Variants in LLGL2 observed in about 807,000 individuals in gnomAD.
The protein encoded by LLGL2 is LLGL scribble cell polarity complex component 2, also known as LLGL2, scribble cell polarity complex component.
A neutral mutation model predicts 123.2 loss-of-function variants in LLGL2; 81 were observed. That is an observed-to-expected ratio of 0.66 (90% CI 0.55 to 0.79). The LOEUF is 0.79. Among genes scored for constraint, LLGL2 ranks in the 30% least tolerant of loss-of-function variants. The probability of loss-of-function intolerance (pLI) is 0.00; values close to 1 mark genes in which losing one functional copy is unlikely to be tolerated. For missense variants in LLGL2, 1,273 were observed against 1,414.6 expected (o/e 0.90, Z 1.61); for synonymous variants, 577 against 594.1 (o/e 0.97, Z 0.42).
Position 75,558,839 on chromosome 17 carries a change from GCACCCCACC to G in LLGL2, c.371+213_371+221del, listed in dbSNP as rs2147380122. 5.6e-5 allele frequency: 19 copies of G among 340,982 alleles called. 2 individuals are homozygous for G. In the South Asian group the frequency reaches 6.4e-4, roughly 12 times the overall value. The allele number at this position is 340,982 out of a possible 1,614,324, so 21.1% of individuals were successfully genotyped here. ...CATCCACACCACGCCTCCTCCATCC[GCACCCCACC>G]TCCTCCATCCGCACCCCGCCTCCTC... On this transcript the variant is annotated intron_variant, in intron 5 of 25. Transcript: ENST00000392550. The surrounding 1 kb of genome is among the most constrained non-coding windows in gnomAD (Gnocchi z 4.0).
chr17:75,572,308 G>A (rs796998174), intron 19 of LLGL2, among the ~76,000 whole-genome samples: 144 of 152,018 alleles, frequency 9.5e-4, no homozygotes, highest in African/African-American at 3.4e-3. Context: ...CACAAGGGCA[G>A]GAGTTCGAGA....
At chr17:75,526,960 G>A (rs557309090) in intron 1 of LLGL2, among the ~76,000 whole-genome samples, 87 of 152,166 alleles carry the variant, frequency 5.7e-4, no homozygotes, top group Non-Finnish European at 9.7e-4. Flanking sequence ...CTGAGCCCAG[G>A]AGTTTGAGAC....
Position 75,558,549 on chromosome 17 carries a change from A to G in LLGL2, c.293A>G (p.His98Arg). The G allele has an allele frequency of 1.2e-6, 2 of 1,610,004 alleles. No homozygotes were observed. The highest frequency in any genetic ancestry group is 1.7e-6 in the Non-Finnish European group (2 of 1,178,350). Residue 98 changes from histidine (H) to arginine (R), a missense_variant, in exon 5 of 26, where the codon CAC becomes CGC. Transcript: ENST00000392550. This position sits in a 1 kb window ranked among gnomAD's most constrained non-coding sequence, Gnocchi z 4.0. ...ACCCTGCTGGATGACAACAGCCTGCACCTTTGGAGCCTGAAGGTCAAGGGC... is the reference window on the plus strand; with the variant it reads ...ACCCTGCTGGATGACAACAGCCTGCGCCTTTGGAGCCTGAAGGTCAAGGGC... ...LVTLLDDNSL[H>R]LWSLKVKGGA...
chr17:75,569,984 G>A lies in LLGL2; in HGVS notation c.1603G>A (p.Asp535Asn). The change falls in exon 15 of 26, where the codon GAC becomes AAC. Residue 535 changes from aspartate (D) to asparagine (N), a missense_variant. Asp to Asn is a conservative substitution (Grantham distance 23). Transcript: ENST00000392550. ...GCAGGTGCTGGTACTGGAACTGAAT[G>A]ACGAGGCAGCGGAGCAGGCTGTGGA... ...AGQVLVLELN[D>N]EAAEQAVEQV... 6.2e-7 allele frequency: 1 copy of A among 1,602,840 alleles called. No homozygotes were observed.
chr17:75,563,949 C>A, intron 9 of LLGL2, 143 bp downstream of exon 9: 2 of 819,592 alleles, frequency 2.4e-6, no homozygotes, highest in South Asian at 1.5e-5. Context: ...GGAGGGGAGA[C>A]AGGGTAGACG....
At chr17:75,532,053 T>TACACACACACACACAC (rs750743324) in intron 1 of LLGL2, among the ~76,000 whole-genome samples, 1,271 of 70,100 alleles carry the variant, frequency 0.018, 33 homozygotes, top group East Asian at 0.072. Flanking sequence ...TATATGTATA[T>TACACACACACACACAC]ATACACACAC....
intron 6 of LLGL2, among the ~76,000 whole-genome samples, chr17:75,560,412 G>A (rs921965372): frequency 1.2e-4 from 18 of 144,808 alleles, no homozygotes; most frequent in African/African-American, 4.0e-4. Context: ...GTTAGCTGGC[G>A]GGAATCTAGT....
intron 1 of LLGL2, among the ~76,000 whole-genome samples, chr17:75,530,524 C>T (rs917452010): frequency 6.6e-6 from 1 of 152,038 alleles, no homozygotes; most frequent in Non-Finnish European, 1.5e-5. Flanking sequence ...GTGGTGGGCA[C>T]CTGTAGTCCC....
intron 8 of LLGL2, 28 bp downstream of exon 8, chr17:75,563,491 C>A: frequency 6.2e-7 from 1 of 1,609,348 alleles, no homozygotes; most frequent in Non-Finnish European, 8.5e-7. Context: ...CGGGCAGGGC[C>A]CACCCCCAGT....
intron 6 of LLGL2, among the ~76,000 whole-genome samples, chr17:75,561,271 T>G (rs557160744): frequency 2.6e-5 from 4 of 152,336 alleles, no homozygotes; most frequent in Non-Finnish European, 4.4e-5. Flanking sequence ...GTAGGGCTGT[T>G]TTTAATGGCA....
At chr17:75,567,011 G>A (rs1308869610) in intron 10 of LLGL2, among the ~76,000 whole-genome samples, 1 of 152,206 alleles carries the variant, frequency 6.6e-6, no homozygotes, top group Admixed American at 6.5e-5. Flanking sequence ...TGATGAGGCT[G>A]CCCAGGTGGT....
In LLGL2 at chr17:75,573,592, G is replaced by A. The variant is rs1568081197; in HGVS notation, c.2837G>A (p.Gly946Asp). Residue 946 changes from glycine to aspartate, a missense_variant, in exon 21 of 26, where the codon GGT (glycine) becomes GAT (aspartate). Physicochemically the swap from Gly to Asp is moderately conservative, Grantham distance 94. Coordinates refer to ENST00000392550, the MANE Select transcript of LLGL2 (RefSeq NM_001031803.2). ...DSAETKNHRP[G>D]NGAGPKKAPS... ...GCAGAAACCAAGAACCACCGCCCTG[G>A]TAACGGTGCGGGCCCCAAGAAGGCC... 6.2e-7 allele frequency: 1 copy of A among 1,612,042 alleles called. No homozygotes were observed. The highest frequency in any genetic ancestry group is 1.7e-5 in the Admixed American group (1 of 60,008).
chr17:75,569,369 G>C (rs756215557), intron 14 of LLGL2, 44 bp downstream of exon 14: 2 of 1,483,296 alleles, frequency 1.3e-6, no homozygotes. Context: ...AGGAGTGGTC[G>C]ATGACTGGGG....
upstream of LLGL2, chr17:75,525,179 G>C (rs2053506622): frequency 6.6e-6 from 1 of 152,168 alleles, no homozygotes; most frequent in South Asian, 2.1e-4. This position sits in a 1 kb window ranked among gnomAD's most constrained non-coding sequence, Gnocchi z 4.8. Context: ...GAGGAGGTGG[G>C]CGCCCCCCCG....
At chr17:75,568,865 C>T in intron 12 of LLGL2, 26 bp downstream of exon 12, 1 of 1,565,618 alleles carries the variant, frequency 6.4e-7, no homozygotes, top group Non-Finnish European at 8.7e-7. Context: ...GCTACCCCAC[C>T]TCTTCCCAGT....
In LLGL2 at chr17:75,543,386, T is replaced by A. The variant is rs760202277; in HGVS notation, c.-30-11T>A. 6.3e-7 allele frequency: 1 copy of A among 1,576,974 alleles called. No homozygotes were observed. Among genetic ancestry groups the A allele is most frequent in the African/African-American group, 1.4e-5 (1 of 73,696 alleles). ...CAGGACAGACCCCTGCAGCTCCTTC[T>A]GTTTCTCCAGGTCTCCAGTGGGGGC... On this transcript the variant is annotated splice_polypyrimidine_tract_variant and intron_variant, in intron 1 of 25. Transcript: ENST00000392550.
intron 1 of LLGL2, among the ~76,000 whole-genome samples, chr17:75,537,024 T>C (rs1287005709): frequency 6.6e-6 from 1 of 152,140 alleles, no homozygotes; most frequent in Non-Finnish European, 1.5e-5. Context: ...GGTTTTGGCA[T>C]GTTGGCCAGG....
intron 1 of LLGL2, among the ~76,000 whole-genome samples, chr17:75,535,878 C>T (rs946069107): frequency 9.9e-5 from 15 of 152,114 alleles, no homozygotes; most frequent in Admixed American, 7.2e-4. Context: ...AATATTTTGC[C>T]GGCCAGGTGC....
chr17:75,527,533 A>C (rs1450012777), intron 1 of LLGL2, among the ~76,000 whole-genome samples: 1 of 152,112 alleles, frequency 6.6e-6, no homozygotes, highest in African/African-American at 2.4e-5. Context: ...ATGACACTAC[A>C]TTCATAAATA....
Sources: allele counts gnomAD v4.1 joint callset (sites outside exome capture counted in the v4.1 genomes callset), GRCh38; gene constraint gnomAD v4.1.1; non-coding constraint Gnocchi (gnomAD v3.1); transcripts MANE v1.5; gene names NCBI Gene and HGNC (gene_info 2026-07-23, HGNC 2026-07-21).